The following ASTN2 variants were observed in gnomAD, a reference collection of about 807,000 sequenced individuals.
The protein encoded by ASTN2 is astrotactin 2.
Under a neutral mutation model 139.8 loss-of-function variants are expected in ASTN2, and 54 were observed. The observed-to-expected ratio is 0.39, with a 90% CI of 0.31 to 0.48. ASTN2 has a LOEUF of 0.48. ASTN2 is among the 20% of genes least tolerant of loss of function. The pLI, the probability that ASTN2 is intolerant of heterozygous loss-of-function variation, is 0.95. For missense variants in ASTN2, 1,565 were observed against 1,725.1 expected (o/e 0.91, Z 1.64); for synonymous variants, 756 against 719.5 (o/e 1.05, Z -0.81).
chr9:117,201,403 G>A (rs988861743), intron 3 of ASTN2, among the ~76,000 whole-genome samples: 6 of 150,526 alleles, frequency 4.0e-5, no homozygotes, highest in African/African-American at 1.5e-4. Flanking sequence ...TTTGCTCTTG[G>A]CTCTCTAGCT....
At chr9:117,003,586 G>A (rs2132575529) in intron 7 of ASTN2, among the ~76,000 whole-genome samples, 1 of 60,460 alleles carries the variant, frequency 1.7e-5, no homozygotes, top group Non-Finnish European at 3.8e-5. Context: ...GTGGAAGAGT[G>A]CCTTATTTTT....
At chr9:117,210,436 G>T (rs1267863970) in intron 3 of ASTN2, among the ~76,000 whole-genome samples, 1 of 151,868 alleles carries the variant, frequency 6.6e-6, no homozygotes, top group African/African-American at 2.4e-5. Flanking sequence ...AACAGCTATA[G>T]GTCAATAAAT....
rs184429167 is a variant in ASTN2 at position 117,035,025 on chromosome 9, C to G, written c.1423+4794G>C. 2.8e-3 allele frequency among the ~76,000 whole-genome samples: 430 copies of G among 152,204 alleles called. 2 individuals carry two copies. The highest frequency in any genetic ancestry group is 0.01 in the African/African-American group (418 of 41,530). Reference sequence around the variant, plus strand: ...TTCATTTTCTCCTGGAAGACAGGACCCATTACTCAGCCCCATCCAATGATC... The same window carrying G: ...TTCATTTTCTCCTGGAAGACAGGACGCATTACTCAGCCCCATCCAATGATC... On this transcript the variant is annotated intron_variant, in intron 6 of 22. Transcript: ENST00000313400.
chr9:117,143,216 A>G (rs1830115639), intron 3 of ASTN2, among the ~76,000 whole-genome samples: 1 of 152,188 alleles, frequency 6.6e-6, no homozygotes, highest in Non-Finnish European at 1.5e-5. Context: ...TGGTTTCCTC[A>G]TCTGTCTCCC....
At chr9:117,006,198 A>G (rs1238549594) in intron 7 of ASTN2, among the ~76,000 whole-genome samples, 1 of 152,086 alleles carries the variant, frequency 6.6e-6, no homozygotes, top group African/African-American at 2.4e-5. Context: ...TAGAGGTTCT[A>G]CTACTGGAAC....
At chr9:116,455,136 G>A (rs1455607711) in intron 20 of ASTN2, among the ~76,000 whole-genome samples, 1 of 152,010 alleles carries the variant, frequency 6.6e-6, no homozygotes, top group Non-Finnish European at 1.5e-5. Flanking sequence ...ATCACCTGAG[G>A]TCAGGAGTTC....
At chr9:117,206,920 T>C (rs1020506297) in intron 3 of ASTN2, among the ~76,000 whole-genome samples, 4 of 152,104 alleles carry the variant, frequency 2.6e-5, no homozygotes, top group Non-Finnish European at 5.9e-5. Flanking sequence ...GATATATCCC[T>C]GGCCTGCCTA....
chr9:116,521,364 T>C (rs1467524398), intron 19 of ASTN2, among the ~76,000 whole-genome samples: 1 of 152,020 alleles, frequency 6.6e-6, no homozygotes, highest in African/African-American at 2.4e-5. Context: ...GCCACTGACC[T>C]TCAGCAAAGC....
chr9:117,039,021 C>CT (rs1331369151), intron 6 of ASTN2, among the ~76,000 whole-genome samples: 3 of 152,142 alleles, frequency 2.0e-5, no homozygotes, highest in Non-Finnish European at 4.4e-5. Context: ...TACAGTCTTC[C>CT]TTGTCATATG....
At chr9:117,023,983 A>G (rs914362098) in intron 6 of ASTN2, among the ~76,000 whole-genome samples, 5 of 151,966 alleles carry the variant, frequency 3.3e-5, no homozygotes, top group African/African-American at 1.2e-4. Context: ...GAGGTTGGGG[A>G]GGGGATGGGA....
At chr9:116,521,021 G>T (rs1439272646) in intron 19 of ASTN2, among the ~76,000 whole-genome samples, 1 of 151,984 alleles carries the variant, frequency 6.6e-6, no homozygotes, top group African/African-American at 2.4e-5. Context: ...ACACCCAAAT[G>T]AATATATCCC....
intron 10 of ASTN2, among the ~76,000 whole-genome samples, chr9:116,954,754 C>A (rs941596096): frequency 6.6e-6 from 1 of 152,170 alleles, no homozygotes; most frequent in Non-Finnish European, 1.5e-5. Context: ...CTTCCATCAG[C>A]CTCATTGTCT....
intron 19 of ASTN2, among the ~76,000 whole-genome samples, chr9:116,545,225 A>G (rs1008385189): frequency 5.3e-5 from 8 of 152,172 alleles, no homozygotes; most frequent in African/African-American, 7.2e-5. Context: ...AGAGTTTGAG[A>G]GGGCCTGGAG....
At chr9:117,381,066 A>C (rs1224109085) in intron 1 of ASTN2, among the ~76,000 whole-genome samples, 1 of 152,232 alleles carries the variant, frequency 6.6e-6, no homozygotes, top group African/African-American at 2.4e-5. Flanking sequence ...TGATAAAAAG[A>C]AATAAAGTGC....
intron 11 of ASTN2, among the ~76,000 whole-genome samples, chr9:116,856,611 G>T (rs1357212808): frequency 6.6e-6 from 1 of 152,196 alleles, no homozygotes; most frequent in African/African-American, 2.4e-5. Context: ...AGTGCTATAA[G>T]GTTCCTGGCC....
chr9:117,239,270 T>C (rs868304043), intron 2 of ASTN2, among the ~76,000 whole-genome samples: 12 of 152,156 alleles, frequency 7.9e-5, no homozygotes, highest in Admixed American at 4.6e-4. Flanking sequence ...GGCATTGGGC[T>C]AGGCACCTGA....
At chr9:116,619,688 ATTTTTTT>A (rs766517097) in intron 18 of ASTN2, among the ~76,000 whole-genome samples, 9 of 74,300 alleles carry the variant, frequency 1.2e-4, no homozygotes, top group South Asian at 1.2e-3. Flanking sequence ...CACACGGGCT[ATTTTTTT>A]TTTTTTTTTT....
intron 5 of ASTN2, among the ~76,000 whole-genome samples, chr9:117,079,597 C>G (rs1255836425): frequency 6.6e-6 from 1 of 152,102 alleles, no homozygotes; most frequent in Non-Finnish European, 1.5e-5. Flanking sequence ...GGTCTAGAAC[C>G]CTTTTCAACT....
chr9:116,933,058 C>T (rs1834953853), intron 10 of ASTN2, among the ~76,000 whole-genome samples: 1 of 148,114 alleles, frequency 6.8e-6, no homozygotes, highest in Admixed American at 6.7e-5. Flanking sequence ...TAGGTTGTTA[C>T]TTCTGTACTT....
Sources: allele counts gnomAD v4.1 joint callset (sites outside exome capture counted in the v4.1 genomes callset), GRCh38; gene constraint gnomAD v4.1.1; transcripts MANE v1.5; gene names NCBI Gene and HGNC (gene_info 2026-07-23, HGNC 2026-07-21).